Variants in SORCS3 observed in about 807,000 individuals in gnomAD.
SORCS3 encodes the protein sortilin related VPS10 domain containing receptor 3, also known as VPS10 domain-containing receptor SorCS3.
A neutral mutation model predicts 146.3 loss-of-function variants in SORCS3; 57 were observed. That is an observed-to-expected ratio of 0.39 (90% CI 0.31 to 0.49). The LOEUF is 0.49. Ranked by LOEUF, SORCS3 falls within the 20% of genes least tolerant of loss-of-function variation. SORCS3 has a pLI of 0.92. For missense variants in SORCS3, 1,341 were observed against 1,575.5 expected (o/e 0.85, Z 2.52); for synonymous variants, 653 against 618.5 (o/e 1.06, Z -0.83).
At chr10:105,252,494 T>A (rs2056905947) in intron 22 of SORCS3, among the ~76,000 whole-genome samples, 4 of 152,222 alleles carry the variant, frequency 2.6e-5, no homozygotes, top group Admixed American at 2.6e-4. Context: ...CTTTTGCCAA[T>A]GTTCCCAGCA....
intron 2 of SORCS3, among the ~76,000 whole-genome samples, chr10:104,867,539 G>A (rs2018473483): frequency 6.6e-6 from 1 of 152,086 alleles, no homozygotes; most frequent in African/African-American, 2.4e-5. Context: ...TCGATCTCCT[G>A]ACCTCATGAT....
intron 3 of SORCS3, among the ~76,000 whole-genome samples, chr10:104,940,221 TA>T (rs2019299441): frequency 5.2e-4 from 8 of 15,262 alleles, no homozygotes; most frequent in Non-Finnish European, 6.7e-4. Flanking sequence ...TATATATATA[TA>T]TATATATATA....
intron 3 of SORCS3, among the ~76,000 whole-genome samples, chr10:104,923,218 C>T (rs2019105523): frequency 1.3e-5 from 2 of 152,188 alleles, no homozygotes; most frequent in African/African-American, 2.4e-5. Flanking sequence ...GAGGGCTTTG[C>T]AGTACCATGT....
At chr10:105,124,818 G>A (rs1252583336) in intron 7 of SORCS3, among the ~76,000 whole-genome samples, 1 of 152,028 alleles carries the variant, frequency 6.6e-6, no homozygotes, top group Non-Finnish European at 1.5e-5. Context: ...AAATGTTCTC[G>A]GAAGAGACGT....
At chr10:105,180,193 A>AC (rs2056434755) in intron 14 of SORCS3, among the ~76,000 whole-genome samples, 1 of 152,188 alleles carries the variant, frequency 6.6e-6, no homozygotes, top group Non-Finnish European at 1.5e-5. Context: ...TCATCATGGT[A>AC]CCCTAGTTAT....
chr10:104,948,423 G>C (rs1267505895), intron 3 of SORCS3, among the ~76,000 whole-genome samples: 3 of 152,206 alleles, frequency 2.0e-5, no homozygotes, highest in Non-Finnish European at 4.4e-5. Context: ...AATGGGCAAG[G>C]ACTCTCAGTG....
At chr10:104,969,579 A>T (rs2054847103) in intron 3 of SORCS3, among the ~76,000 whole-genome samples, 1 of 152,140 alleles carries the variant, frequency 6.6e-6, no homozygotes, top group Admixed American at 6.5e-5. Flanking sequence ...CAAAAAGTTG[A>T]ATTGAATAGA....
chr10:104,694,248 C>T (rs1398818912), intron 1 of SORCS3, among the ~76,000 whole-genome samples: 1 of 151,586 alleles, frequency 6.6e-6, no homozygotes, highest in Non-Finnish European at 1.5e-5. Context: ...GAGCCAGAAA[C>T]TGCCCTTCTC....
intron 1 of SORCS3, among the ~76,000 whole-genome samples, chr10:104,701,038 A>T (rs2016273848): frequency 6.6e-6 from 1 of 152,232 alleles, no homozygotes; most frequent in Non-Finnish European, 1.5e-5. Context: ...TAATTCGTGG[A>T]AAGTTTTCCA....
intron 2 of SORCS3, among the ~76,000 whole-genome samples, chr10:104,887,521 C>G (rs1319503134): frequency 6.6e-6 from 1 of 152,152 alleles, no homozygotes; most frequent in Non-Finnish European, 1.5e-5. Flanking sequence ...GTTTAGACTT[C>G]CTCCTGGTGG....
chr10:105,133,507 G>A (rs2056036414), intron 7 of SORCS3, among the ~76,000 whole-genome samples: 1 of 152,144 alleles, frequency 6.6e-6, no homozygotes, highest in African/African-American at 2.4e-5. Context: ...ACAATGAAAG[G>A]CTATATGATG....
chr10:105,072,647 TTCTC>T (rs79467880), intron 5 of SORCS3, among the ~76,000 whole-genome samples: 2 of 30,806 alleles, frequency 6.5e-5, no homozygotes, highest in African/African-American at 9.2e-5. Context: ...TTTTCTTTCT[TTCTC>T]TCTCTCTCTT....
chr10:104,871,204 T>C (rs2451495), intron 2 of SORCS3, among the ~76,000 whole-genome samples: 127,729 of 152,208 alleles, frequency 0.84, 54,057 homozygotes, highest in East Asian at 0.98. Flanking sequence ...GAGGTGAGTA[T>C]TTGAACTATA....
chr10:104,682,069 T>C (rs2015983902), intron 1 of SORCS3, among the ~76,000 whole-genome samples: 1 of 152,192 alleles, frequency 6.6e-6, no homozygotes, highest in Non-Finnish European at 1.5e-5. Context: ...TGTGATACTG[T>C]GAAGGGGCTG....
chr10:104,990,774 G>A (rs1483651762), intron 4 of SORCS3, among the ~76,000 whole-genome samples: 1 of 152,146 alleles, frequency 6.6e-6, no homozygotes, highest in Non-Finnish European at 1.5e-5. Context: ...AGGTTGCTCT[G>A]AGCTCTTTGA....
chr10:105,056,345 C>A (rs2055445776), intron 5 of SORCS3, among the ~76,000 whole-genome samples: 1 of 152,150 alleles, frequency 6.6e-6, no homozygotes, highest in South Asian at 2.1e-4. Context: ...TCTAGTTGTG[C>A]AGAATGTTCT....
chr10:104,648,037 C>G lies in SORCS3; in HGVS notation c.627+6083C>G, dbSNP rs554137049. ...TTTGCCTCATGGTCCTGCCGACATG[C>G]TTTGGATGTGAGACTGCTCTTCTGT... is the stretch of plus-strand genomic sequence containing the variant. On this transcript the variant is annotated intron_variant, in intron 1 of 26. Coordinates refer to ENST00000369701, the MANE Select transcript of SORCS3 (RefSeq NM_014978.3). 6.6e-5 allele frequency among the ~76,000 whole-genome samples: 10 copies of G among 152,312 alleles called. 1 individual carries two copies. The South Asian group carries it at 1.9e-3, about 28-fold the overall frequency.
At chr10:104,844,265 C>T (rs1324202099) in intron 2 of SORCS3, among the ~76,000 whole-genome samples, 2 of 152,104 alleles carry the variant, frequency 1.3e-5, no homozygotes, top group African/African-American at 4.8e-5. Context: ...CCTCAGAAAC[C>T]TCCCTTCAAG....
At chr10:104,752,603 C>T (rs770738970) in intron 1 of SORCS3, among the ~76,000 whole-genome samples, 27 of 152,132 alleles carry the variant, frequency 1.8e-4, no homozygotes, top group Non-Finnish European at 2.9e-4. Flanking sequence ...TTTGAGAAGA[C>T]GATCTTAGGG....
Sources: allele counts gnomAD v4.1 joint callset (sites outside exome capture counted in the v4.1 genomes callset), GRCh38; gene constraint gnomAD v4.1.1; transcripts MANE v1.5; gene names NCBI Gene and HGNC (gene_info 2026-07-23, HGNC 2026-07-21).